The following RIMS2 variants were observed in gnomAD, a reference collection of about 807,000 sequenced individuals.
RIMS2 encodes the protein regulating synaptic membrane exocytosis protein 2.
A neutral mutation model predicts 174.4 loss-of-function variants in RIMS2; 59 were observed. That is an observed-to-expected ratio of 0.34 (90% CI 0.27 to 0.42). The LOEUF is 0.42. RIMS2 is among the 10% of genes least tolerant of loss of function. The pLI, the probability that RIMS2 is intolerant of heterozygous loss-of-function variation, is 1.00. For missense variants in RIMS2, 1,620 were observed against 1,666.3 expected (o/e 0.97, Z 0.48); for synonymous variants, 606 against 572.5 (o/e 1.06, Z -0.84).
intron 4 of RIMS2, among the ~76,000 whole-genome samples, chr8:103,898,511 G>A (rs776352123): frequency 6.6e-6 from 1 of 151,566 alleles, no homozygotes; most frequent in Admixed American, 6.6e-5. Flanking sequence ...GCTACTACTT[G>A]ATTGAGTTTA....
At chr8:103,602,378 T>C (rs928679099) in intron 1 of RIMS2, among the ~76,000 whole-genome samples, 2 of 152,138 alleles carry the variant, frequency 1.3e-5, no homozygotes, top group East Asian at 3.8e-4. Context: ...TGGGGGTTTG[T>C]TGTACAGATT....
intron 10 of RIMS2, among the ~76,000 whole-genome samples, chr8:103,926,253 G>A (rs1466986724): frequency 1.3e-5 from 2 of 151,520 alleles, no homozygotes; most frequent in African/African-American, 2.4e-5. Flanking sequence ...ACCTTGTTTA[G>A]TCCCTTTCTT....
intron 1 of RIMS2, among the ~76,000 whole-genome samples, chr8:103,601,417 A>G (rs1265070958): frequency 6.6e-6 from 1 of 152,206 alleles, no homozygotes; most frequent in Non-Finnish European, 1.5e-5. Context: ...TTATCATATA[A>G]TGACCTTCTT....
In RIMS2 at chr8:103,955,586, T is replaced by A. The variant is rs927198925; in HGVS notation, c.2702-5479T>A. Among the ~76,000 whole-genome samples, 3 of 152,214 alleles carry A rather than the reference T, an allele frequency of 2.0e-5. No individual in the cohort carries two copies. In the South Asian group the frequency reaches 6.2e-4, roughly 32 times the overall value. On this transcript the variant is annotated intron_variant, in intron 14 of 23. Transcript: ENST00000504942. The stretch of plus-strand genomic sequence containing the variant: ...TAAAAAGTCTCAATAAACTAGGCAC[T>A]GATGGAACATATCTCAAAATAATAC...
rs75093681 is a variant in RIMS2, at chr8:103,771,626, T to G, written c.698+5089T>G. Among the ~76,000 whole-genome samples the G allele has an allele frequency of 6.1e-3, 932 of 152,256 alleles. 12 individuals are homozygous for G. Among genetic ancestry groups the G allele is most frequent in the African/African-American group, 0.021 (882 of 41,552 alleles). ...CTAGATGTTTATTTTTTTCTCTGTA[T>G]GTCCTGTTTTCTCATCTCTGGAATG... On this transcript the variant is annotated intron_variant, in intron 3 of 23. Coordinates refer to ENST00000504942, the Ensembl canonical transcript of RIMS2.
At chr8:103,925,288 T>G (rs2078546774) in intron 10 of RIMS2, among the ~76,000 whole-genome samples, 1 of 151,584 alleles carries the variant, frequency 6.6e-6, no homozygotes, top group African/African-American at 2.4e-5. Flanking sequence ...TTTAAAAATA[T>G]CTTTTGACTC....
chr8:103,534,611 CAT>C (rs34240901), intron 1 of RIMS2, among the ~76,000 whole-genome samples: 35,155 of 151,984 alleles, frequency 0.23, 4,228 homozygotes, highest in South Asian at 0.34. Context: ...AAATGAAATA[CAT>C]AAAATCATAT....
intron 1 of RIMS2, among the ~76,000 whole-genome samples, chr8:103,657,157 G>A (rs1347604380): frequency 2.6e-5 from 4 of 152,178 alleles, no homozygotes; most frequent in Non-Finnish European, 5.9e-5. Flanking sequence ...ACAAGAAGCT[G>A]AGAATCACTT....
At chr8:104,019,145 C>A (rs2154554678) in intron 19 of RIMS2, among the ~76,000 whole-genome samples, 1 of 152,146 alleles carries the variant, frequency 6.6e-6, no homozygotes, top group African/African-American at 2.4e-5. Context: ...TTGCAGTGAG[C>A]CAAGATCACA....
chr8:104,232,140 C>A (rs1219356172), intron 19 of RIMS2, among the ~76,000 whole-genome samples: 1 of 152,158 alleles, frequency 6.6e-6, no homozygotes, highest in African/African-American at 2.4e-5. Flanking sequence ...TCCCACAGTA[C>A]CTTACATCCA....
intron 19 of RIMS2, among the ~76,000 whole-genome samples, chr8:104,078,753 G>A (rs980286566): frequency 6.6e-6 from 1 of 152,178 alleles, no homozygotes; most frequent in Non-Finnish European, 1.5e-5. Flanking sequence ...GCAACTAACC[G>A]TAGCTGTTTT....
chr8:104,109,215 T>A (rs1208670974), intron 19 of RIMS2, among the ~76,000 whole-genome samples: 2 of 144,570 alleles, frequency 1.4e-5, no homozygotes, highest in Non-Finnish European at 3.0e-5. Context: ...GAGAATGGCA[T>A]GAACCTGGGA....
intron 1 of RIMS2, among the ~76,000 whole-genome samples, chr8:103,520,537 T>TA (rs1468982437): frequency 6.6e-6 from 1 of 152,184 alleles, no homozygotes; most frequent in Admixed American, 6.6e-5. Context: ...TGAAAATAGT[T>TA]AAACAGAGTG....
intron 1 of RIMS2, among the ~76,000 whole-genome samples, chr8:103,577,303 G>A (rs1053802664): frequency 4.6e-5 from 7 of 152,170 alleles, no homozygotes; most frequent in Admixed American, 4.6e-4. Context: ...CATCTATGCA[G>A]CCAACAGACA....
intron 1 of RIMS2, among the ~76,000 whole-genome samples, chr8:103,505,296 T>C (rs780322124): frequency 6.6e-6 from 1 of 152,178 alleles, no homozygotes; most frequent in Non-Finnish European, 1.5e-5. Flanking sequence ...TGTATATGTG[T>C]GTATGTGTGT....
At chr8:104,173,526 A>G (rs1272468374) in intron 19 of RIMS2, among the ~76,000 whole-genome samples, 2 of 150,882 alleles carry the variant, frequency 1.3e-5, no homozygotes, top group African/African-American at 4.9e-5. Flanking sequence ...GAGAGTTTCC[A>G]TAATGTTATG....
intron 1 of RIMS2, among the ~76,000 whole-genome samples, chr8:103,514,920 A>AC (rs1333301595): frequency 6.6e-6 from 1 of 151,510 alleles, no homozygotes; most frequent in Non-Finnish European, 1.5e-5. Context: ...AACAACAACA[A>AC]AAAAACAAAA....
intron 2 of RIMS2, among the ~76,000 whole-genome samples, chr8:103,736,607 T>C (rs1023994233): frequency 6.6e-6 from 1 of 152,194 alleles, no homozygotes; most frequent in African/African-American, 2.4e-5. Context: ...CTGGCGTGAA[T>C]CTAAAAACCA....
chr8:103,514,669 T>C (rs1828085917), intron 1 of RIMS2, among the ~76,000 whole-genome samples: 1 of 152,166 alleles, frequency 6.6e-6, no homozygotes, highest in Non-Finnish European at 1.5e-5. Context: ...TCCAAGGTTG[T>C]TTAATGATTA....
Sources: gnomAD v4.1 joint callset for allele counts (sites outside exome capture counted in the v4.1 genomes callset) on GRCh38, gnomAD v4.1.1 for gene constraint, MANE v1.5 for transcripts, NCBI Gene and HGNC (gene_info 2026-07-23, HGNC 2026-07-21) for gene names.